MDGA2: variants seen among roughly 807,000 people sequenced by gnomAD.
MDGA2 encodes the protein MAM domain containing glycosylphosphatidylinositol anchor 2.
In MDGA2, 40 loss-of-function variants were observed where a neutral mutation model predicts 117.8. That is an observed-to-expected ratio of 0.34 (90% CI 0.26 to 0.44). The LOEUF (loss-of-function observed/expected upper bound fraction) is 0.44. Ranked by LOEUF, MDGA2 falls within the 20% of genes least tolerant of loss-of-function variation. The probability of loss-of-function intolerance (pLI) is 1.00; values close to 1 mark genes in which losing one functional copy is unlikely to be tolerated. For synonymous variants in MDGA2, 452 were observed against 439.0 expected (o/e 1.03, Z -0.37); for missense variants, 1,123 against 1,250.6 (o/e 0.90, Z 1.54).
intron 1 of MDGA2, among the ~76,000 whole-genome samples, chr14:47,462,667 G>A (rs536932046): frequency 9.0e-4 from 137 of 152,180 alleles, no homozygotes; most frequent in Non-Finnish European, 1.5e-3. Flanking sequence ...AGGAAGCTCC[G>A]TGTTCCCAAT....
chr14:47,298,791 T>G (rs1287826480), intron 2 of MDGA2, among the ~76,000 whole-genome samples: 2 of 151,228 alleles, frequency 1.3e-5, no homozygotes, highest in Non-Finnish European at 2.9e-5. Flanking sequence ...TTCACGCCAT[T>G]CTCCTGCCTC....
intron 10 of MDGA2, among the ~76,000 whole-genome samples, chr14:46,894,072 A>T (rs562684543): frequency 1.3e-5 from 2 of 152,212 alleles, no homozygotes; most frequent in South Asian, 4.1e-4. Context: ...AAAAACGAAA[A>T]GTAGTAACTC....
chr14:46,860,683 T>C (rs1358742333), intron 14 of MDGA2, among the ~76,000 whole-genome samples: 3 of 151,954 alleles, frequency 2.0e-5, no homozygotes, highest in Admixed American at 1.3e-4. Flanking sequence ...GTTTCCAATG[T>C]CATCTTTATT....
chr14:47,032,090 G>C (rs1330322948), intron 8 of MDGA2, among the ~76,000 whole-genome samples: 2 of 151,838 alleles, frequency 1.3e-5, no homozygotes, highest in Non-Finnish European at 2.9e-5. Flanking sequence ...TATTATGCTG[G>C]GAATACAAAA....
chr14:46,971,817 A>G (rs990325025), intron 8 of MDGA2, among the ~76,000 whole-genome samples: 2 of 152,136 alleles, frequency 1.3e-5, no homozygotes, highest in Non-Finnish European at 2.9e-5. Context: ...CCCTGACTTG[A>G]TCATTCCACC....
At position 47,311,678 on chromosome 14, in the gene MDGA2, T is replaced by C. The variant is rs549063658; in HGVS notation, c.281-10128A>G. On this transcript the variant is annotated intron_variant, in intron 1 of 16. Coordinates refer to ENST00000399232, the MANE Select transcript of MDGA2 (RefSeq NM_001113498.3). ...ACTTAGTAAATATCAAGCACCTGTGTAATTCATGTTATTTTTTGATGATCT... is the reference window on the plus strand; with the variant it reads ...ACTTAGTAAATATCAAGCACCTGTGCAATTCATGTTATTTTTTGATGATCT... Among the ~76,000 whole-genome samples, 4 of 151,518 alleles carry C rather than the reference T, an allele frequency of 2.6e-5. No homozygotes were observed. In the East Asian group the frequency reaches 5.9e-4, roughly 22 times the overall value.
chr14:47,167,973 A>G (rs537045046), intron 3 of MDGA2, among the ~76,000 whole-genome samples: 1 of 152,230 alleles, frequency 6.6e-6, no homozygotes, highest in Admixed American at 6.5e-5. Flanking sequence ...GTACAACTCC[A>G]TTGCATTTGG....
At position 47,218,175 on chromosome 14, in the gene MDGA2, T is replaced by G. The variant is rs1886170064; in HGVS notation, c.441A>C (p.Ala147=). The change falls in exon 3 of 17, where the codon GCA becomes GCC. Residue 147 remains alanine, a synonymous_variant. Transcript: ENST00000399232. ...PRPQIRWTKT[A]GSASDRFQDS... is the part of the protein sequence containing the mutation. ...CTTGGAATCTGTCAGAGGCACTTCC[T>G]GCTGTTTTGGTCCACCTGATCTGAG... 3 of 1,548,876 alleles carry G rather than the reference T, an allele frequency of 1.9e-6. No homozygotes were observed. Among genetic ancestry groups the G allele is most frequent in the Non-Finnish European group, 2.6e-6 (3 of 1,145,470 alleles).
chr14:47,492,560 A>G (rs1407214622), intron 1 of MDGA2, among the ~76,000 whole-genome samples: 1 of 152,132 alleles, frequency 6.6e-6, no homozygotes, highest in Non-Finnish European at 1.5e-5. Flanking sequence ...AGAAATTCAG[A>G]GAAACTGTTT....
chr14:47,047,222 G>A (rs973497116), intron 7 of MDGA2, among the ~76,000 whole-genome samples: 1 of 152,018 alleles, frequency 6.6e-6, no homozygotes, highest in African/African-American at 2.4e-5. Context: ...TAATAACCAT[G>A]GAGAGTTTGG....
At chr14:47,007,685 T>C (rs1417343199) in intron 8 of MDGA2, among the ~76,000 whole-genome samples, 2 of 151,726 alleles carry the variant, frequency 1.3e-5, no homozygotes, top group Non-Finnish European at 2.9e-5. Flanking sequence ...TTAAAGAAGA[T>C]AGGTAGGAAA....
At chr14:47,664,686 T>C (rs2138300336) in intron 1 of MDGA2, among the ~76,000 whole-genome samples, 1 of 152,326 alleles carries the variant, frequency 6.6e-6, no homozygotes, top group African/African-American at 2.4e-5. Flanking sequence ...CACATACCTC[T>C]CTTTTCACAA....
chr14:47,137,391 C>G (rs1196475635), intron 4 of MDGA2, among the ~76,000 whole-genome samples: 1 of 152,116 alleles, frequency 6.6e-6, no homozygotes, highest in Non-Finnish European at 1.5e-5. Flanking sequence ...TGAAAGGTAT[C>G]TGGGTCATGC....
chr14:47,013,772 G>GTGTATA lies in MDGA2; in HGVS notation c.1819+21238_1819+21239insTATACA, dbSNP rs1555343310. Among the ~76,000 whole-genome samples the GTGTATA allele has an allele frequency of 3.2e-4, 30 of 93,696 alleles. 1 individual carries two copies. The highest frequency in any genetic ancestry group is 7.8e-4 in the South Asian group (2 of 2,562). 61.5% of individuals were successfully genotyped at this position (93,696 alleles called of 152,430 possible). ...TAGGTATGAAAACATTAATTTCCTTGTATATATATATATATATATATCTCC... is the reference window on the plus strand; with the variant it reads ...TAGGTATGAAAACATTAATTTCCTTGTGTATATATATATATATATATATATATCTCC... On this transcript the variant is annotated intron_variant, in intron 8 of 16. Transcript: ENST00000399232.
intron 6 of MDGA2, among the ~76,000 whole-genome samples, chr14:47,065,489 T>C (rs184332141): frequency 6.6e-6 from 1 of 152,286 alleles, no homozygotes; most frequent in African/African-American, 2.4e-5. Flanking sequence ...AGATTACATC[T>C]TGAGCATAGG....
chr14:47,671,881 A>G (rs1898082248), intron 1 of MDGA2, among the ~76,000 whole-genome samples: 1 of 152,192 alleles, frequency 6.6e-6, no homozygotes, highest in Admixed American at 6.5e-5. Context: ...TGCTTCCACA[A>G]ATAAAAACAA....
Position 47,061,539 on chromosome 14 carries a change from T to C in MDGA2, c.1235A>G (p.Tyr412Cys). The C allele has an allele frequency of 6.2e-7, 1 of 1,613,272 alleles. No homozygotes were observed. The highest frequency in any genetic ancestry group is 8.5e-7 in the Non-Finnish European group (1 of 1,179,508). Reference sequence around the variant, plus strand: ...AATCTGGATGTTGTCATCTTTGTGATAAGGATCTGGTGTGATCCAAAATCG... The same window carrying C: ...AATCTGGATGTTGTCATCTTTGTGACAAGGATCTGGTGTGATCCAAAATCG... Reference protein sequence around the residue: ...KGRFWITPDPYHKDDNIQIGR... With the variant: ...KGRFWITPDPCHKDDNIQIGR... Residue 412 changes from tyrosine (Y) to cysteine (C), a missense_variant, in exon 7 of 17, where the codon TAT becomes TGT. By Grantham distance (194) the Tyr-to-Cys change is radical. This residue lies in a region of MDGA2 where 890 missense variants were observed against 1,050.3 expected (regional missense o/e 0.85). Transcript: ENST00000399232.
intron 6 of MDGA2, among the ~76,000 whole-genome samples, chr14:47,078,531 C>G (rs947978587): frequency 3.3e-5 from 5 of 152,000 alleles, no homozygotes; most frequent in Admixed American, 6.6e-5. Flanking sequence ...AATATAAATC[C>G]AATTTAGACA....
At chr14:47,456,337 T>C (rs1012364665) in intron 1 of MDGA2, among the ~76,000 whole-genome samples, 9 of 145,350 alleles carry the variant, frequency 6.2e-5, no homozygotes, top group African/African-American at 1.5e-4. Context: ...TTATTGCCCA[T>C]GCAGGAGTGC....
Sources: gnomAD v4.1 joint callset for allele counts (sites outside exome capture counted in the v4.1 genomes callset) on GRCh38, gnomAD v4.1.1 for gene constraint, gnomAD v4.1.1 regional missense constraint, MANE v1.5 for transcripts, NCBI Gene and HGNC (gene_info 2026-07-23, HGNC 2026-07-21) for gene names.